The following HDGFL3 variants were observed in gnomAD, a reference collection of about 807,000 sequenced individuals.
The protein encoded by HDGFL3 is HDGF like 3.
HDGFL3 carries 6 observed loss-of-function variants against 27.6 expected under a neutral mutation model. The ratio of observed to expected loss-of-function variants is 0.22; its 90% CI spans 0.12 to 0.43. HDGFL3 has a LOEUF of 0.43. Ranked by LOEUF, HDGFL3 falls within the 20% of genes least tolerant of loss-of-function variation. The probability of loss-of-function intolerance (pLI) is 1.00; values close to 1 mark genes in which losing one functional copy is unlikely to be tolerated. For missense variants in HDGFL3, 207 were observed against 250.1 expected (o/e 0.83, Z 1.16); for synonymous variants, 88 against 88.9 (o/e 0.99, Z 0.05).
intron 5 of HDGFL3, among the ~76,000 whole-genome samples, chr15:83,147,188 G>A (rs1298289977): frequency 2.6e-5 from 4 of 151,676 alleles, no homozygotes; most frequent in Admixed American, 6.6e-5. Context: ...TCAGCCTCCC[G>A]AGTAGTTGGG....
chr15:83,159,511 G>T (rs1164725778), intron 2 of HDGFL3, among the ~76,000 whole-genome samples: 3 of 152,160 alleles, frequency 2.0e-5, no homozygotes, highest in African/African-American at 7.2e-5. Context: ...TAGTGGCAGG[G>T]GTGGGGGTTT....
chr15:83,170,985 A>T (rs1249892045), intron 1 of HDGFL3, among the ~76,000 whole-genome samples: 1 of 152,158 alleles, frequency 6.6e-6, no homozygotes, highest in African/African-American at 2.4e-5. Flanking sequence ...ACTTGTCATT[A>T]ATCATCAGAG....
chr15:83,150,635 G>A (rs1170864782), intron 5 of HDGFL3, among the ~76,000 whole-genome samples: 1 of 152,142 alleles, frequency 6.6e-6, no homozygotes, highest in Non-Finnish European at 1.5e-5. Context: ...AAAATGCATG[G>A]GGGCAAAATT....
intron 1 of HDGFL3, among the ~76,000 whole-genome samples, chr15:83,169,692 T>C (rs1014170833): frequency 2.0e-5 from 3 of 151,210 alleles, no homozygotes; most frequent in Non-Finnish European, 4.4e-5. Flanking sequence ...TCCCAGCTAC[T>C]TGGGAGGCTG....
chr15:83,192,776 C>G (rs1161969342), intron 1 of HDGFL3, among the ~76,000 whole-genome samples: 1 of 152,172 alleles, frequency 6.6e-6, no homozygotes, highest in African/African-American at 2.4e-5. Context: ...GGTAGCACAA[C>G]CAATCCATCT....
intron 1 of HDGFL3, among the ~76,000 whole-genome samples, chr15:83,175,257 G>A (rs1253963662): frequency 6.6e-6 from 1 of 152,130 alleles, no homozygotes; most frequent in Non-Finnish European, 1.5e-5. Context: ...AAAAACAGAA[G>A]CCAGCCTTAA....
intron 3 of HDGFL3, among the ~76,000 whole-genome samples, chr15:83,118,230 T>TACAC (rs72160704): frequency 0.015 from 2,211 of 146,334 alleles, 18 homozygotes; most frequent in Non-Finnish European, 0.019. Flanking sequence ...TCTCTGTACG[T>TACAC]ACACACACAC....
chr15:83,177,886 A>G (rs2037332841), intron 1 of HDGFL3, among the ~76,000 whole-genome samples: 1 of 152,224 alleles, frequency 6.6e-6, no homozygotes, highest in Non-Finnish European at 1.5e-5. Context: ...TTTGGTTGTT[A>G]TAATTAACAT....
At chr15:83,123,454 G>C (rs533989789), downstream of HDGFL3, among the ~76,000 whole-genome samples, 1 of 152,210 alleles carries the variant, frequency 6.6e-6, no homozygotes, top group South Asian at 2.1e-4. Flanking sequence ...TTCTAAGCTA[G>C]TTTCTCTCTG....
chr15:83,160,274 A>G (rs2037083388), intron 2 of HDGFL3, among the ~76,000 whole-genome samples: 1 of 149,954 alleles, frequency 6.7e-6, no homozygotes, highest in Non-Finnish European at 1.5e-5. Flanking sequence ...GCAACTTCCG[A>G]CTCCCTGGTT....
At chr15:83,196,335 T>C (rs377628771) in intron 1 of HDGFL3, among the ~76,000 whole-genome samples, 75 of 152,034 alleles carry the variant, frequency 4.9e-4, no homozygotes, top group Middle Eastern at 6.8e-3. Flanking sequence ...GTTGATCACA[T>C]ATGAAAAGAA....
At chr15:83,164,825 A>C (rs973756876) in intron 1 of HDGFL3, among the ~76,000 whole-genome samples, 2 of 152,248 alleles carry the variant, frequency 1.3e-5, no homozygotes, top group African/African-American at 4.8e-5. Flanking sequence ...ATTCCTTAGA[A>C]TGTTTCAAGA....
intron 5 of HDGFL3, 22 bp downstream of exon 5, chr15:83,151,193 G>T: frequency 1.2e-6 from 2 of 1,600,098 alleles, no homozygotes; most frequent in Non-Finnish European, 1.7e-6. Flanking sequence ...GAAGGTAAGA[G>T]AAATTATAAG....
At chr15:83,156,794 T>C (rs79080064) in intron 4 of HDGFL3, among the ~76,000 whole-genome samples, 2 of 152,150 alleles carry the variant, frequency 1.3e-5, no homozygotes, top group Non-Finnish European at 2.9e-5. Flanking sequence ...CCTGGGTTCA[T>C]GCCATTCTCC....
chr15:83,178,146 C>G (rs912221814), intron 1 of HDGFL3, among the ~76,000 whole-genome samples: 1 of 152,150 alleles, frequency 6.6e-6, no homozygotes, highest in African/African-American at 2.4e-5. Context: ...TCCGAAAACA[C>G]ACAATGAAAT....
chr15:83,160,290 G>A (rs1276440538), intron 2 of HDGFL3, among the ~76,000 whole-genome samples: 1 of 151,884 alleles, frequency 6.6e-6, no homozygotes, highest in African/African-American at 2.4e-5. Context: ...TGGTTCAAGC[G>A]ATTCTTCTGC....
At chr15:83,115,956 T>A (rs1211479461) in intron 3 of HDGFL3, 11 of 1,598,792 alleles carry the variant, frequency 6.9e-6, no homozygotes, top group Non-Finnish European at 9.4e-6. Flanking sequence ...TGGGATCACT[T>A]AGTGATTATG....
At chr15:83,168,273 C>T (rs1237249979) in intron 1 of HDGFL3, among the ~76,000 whole-genome samples, 1 of 151,198 alleles carries the variant, frequency 6.6e-6, no homozygotes. Context: ...ACAAACTAAC[C>T]CCAAAGCTGA....
At chr15:83,115,804 C>G (rs2034607378) in intron 3 of HDGFL3, 1 of 1,343,248 alleles carries the variant, frequency 7.4e-7, no homozygotes, top group Admixed American at 1.7e-5. Flanking sequence ...TAATTGTCTC[C>G]TGAGCTATTG....
Sources: gnomAD v4.1 joint callset for allele counts (sites outside exome capture counted in the v4.1 genomes callset) on GRCh38, gnomAD v4.1.1 for gene constraint, MANE v1.5 for transcripts, NCBI Gene and HGNC (gene_info 2026-07-23, HGNC 2026-07-21) for gene names.